Variants in PPCS observed in about 807,000 individuals in gnomAD.
PPCS encodes phosphopantothenate--cysteine ligase.
A neutral mutation model predicts 24.6 loss-of-function variants in PPCS; 17 were observed. That is an observed-to-expected ratio of 0.69 (90% confidence interval 0.47 to 1.04). PPCS has a LOEUF of 1.04. Ranked by LOEUF, PPCS falls within the 50% of genes least tolerant of loss-of-function variation. The probability of loss-of-function intolerance (pLI) is 0.00; values close to 1 mark genes in which losing one functional copy is unlikely to be tolerated. For missense variants in PPCS, 360 were observed against 402.8 expected, an observed-to-expected ratio of 0.89 and a Z score of 0.91; for synonymous variants, 190 against 168.3, an observed-to-expected ratio of 1.13 and a Z score of -1.00.
At chr1:42,470,112 G>A (rs1281336521) in intron 2 of PPCS, among the ~76,000 whole-genome samples, 1 of 152,176 alleles carries the variant, frequency 6.6e-6, no homozygotes, top group Non-Finnish European at 1.5e-5. Context: ...AACTGGGGAT[G>A]TTGGTGAAGG....
At chr1:42,469,038 T>C (rs61777372) in intron 2 of PPCS, among the ~76,000 whole-genome samples, 7 of 151,492 alleles carry the variant, frequency 4.6e-5, no homozygotes, top group African/African-American at 1.5e-4. Context: ...AAAAAAACTT[T>C]CAGGGAAGGA....
In PPCS at chr1:42,457,014, C is replaced by T. The variant is rs892177460; in HGVS notation, c.449C>T (p.Thr150Ile). 1.9e-6 allele frequency: 3 copies of T among 1,602,024 alleles called. No individual in the cohort carries two copies. The highest frequency in any genetic ancestry group is 1.1e-5 in the South Asian group (1 of 91,070). Residue 150 changes from threonine to isoleucine, a missense_variant, in exon 1 of 3, where the codon ACC becomes ATC. Thr to Ile is a moderately conservative substitution (Grantham distance 89, BLOSUM62 -1). This residue lies in a region of PPCS where 244 missense variants were observed against 234.7 expected (regional missense o/e 1.04). Transcript: ENST00000372561. ...AAGTFLAVEF[T>I]TLADYLHLLQ... is the part of the protein sequence containing the mutation. The stretch of plus-strand genomic sequence containing the variant: ...GGCACCTTCCTGGCAGTAGAGTTCA[C>T]CACTTTGGCGGACTATTTGCATCTG...
chr1:42,456,481 G>T, upstream of PPCS: 1 of 1,372,914 alleles, frequency 7.3e-7, no homozygotes, highest in South Asian at 1.5e-5. Context: ...CACTCAGTAC[G>T]GCGCGGCGCG....
chr1:42,463,067 C>A (rs1643454309), downstream of PPCS, among the ~76,000 whole-genome samples: 1 of 152,232 alleles, frequency 6.6e-6, no homozygotes, highest in Admixed American at 6.5e-5. Flanking sequence ...AAGTCGCAAA[C>A]GCTCGACATG....
chr1:42,463,039 A>G (rs1643452522), downstream of PPCS, among the ~76,000 whole-genome samples: 1 of 152,234 alleles, frequency 6.6e-6, no homozygotes, highest in Non-Finnish European at 1.5e-5. Flanking sequence ...GAACGCCCCA[A>G]GACAAAATGT....
rs1169014457 is a variant in PPCS, at chr1:42,461,058, G to A, written c.*1132G>A. ...AATTCCCTAAATGATCTGTAGGATA[G>A]TCCAGGTGCAATTTGAAAAATTAGC... On this transcript the variant is annotated 3_prime_UTR_variant, in exon 3 of 3. Transcript: ENST00000372561. Among the ~76,000 whole-genome samples the A allele has an allele frequency of 6.6e-6, 1 of 152,258 alleles. No individual in the cohort carries two copies. Among genetic ancestry groups the A allele is most frequent in the African/African-American group, 2.4e-5 (1 of 41,476 alleles).
At chr1:42,462,340 T>C (rs139687630), downstream of PPCS, among the ~76,000 whole-genome samples, 221 of 152,276 alleles carry the variant, frequency 1.5e-3, no homozygotes, top group South Asian at 9.5e-3. Context: ...AATGTCTCCC[T>C]GAGTAGGTGA....
chr1:42,460,465 T>C lies in PPCS; in HGVS notation c.*539T>C. On this transcript the variant is annotated 3_prime_UTR_variant, in exon 3 of 3. Transcript: ENST00000372561. ...CAAATATAGTAGTAGGAAAGAAGGA[T>C]ACCTCCCTGAAGATAGATTGTAGAA... The C allele has an allele frequency of 8.1e-5, 38 of 471,554 alleles. No homozygotes were observed. Among genetic ancestry groups the C allele is most frequent in the Middle Eastern group, 1.1e-3 (1 of 874 alleles). 29.2% of individuals were successfully genotyped at this position (471,554 alleles called of 1,614,324 possible). A position where few individuals can be genotyped will look rare whatever the true frequency, so the allele number is the denominator to read the frequency against.
downstream of PPCS, chr1:42,463,898 A>AG (rs1468540149): frequency 1.3e-5 from 2 of 152,196 alleles, no homozygotes; most frequent in African/African-American, 2.4e-5. Flanking sequence ...GAGGTCATGA[A>AG]GTCAGTTACC....
Position 42,456,592 on chromosome 1 carries a change from G to C in PPCS, c.27G>C (p.Glu9Asp). 3 of 1,504,086 alleles carry C rather than the reference G, an allele frequency of 2.0e-6. No individual in the cohort carries two copies. The highest frequency in any genetic ancestry group is 2.7e-6 in the Non-Finnish European group (3 of 1,128,758). The allele number at this position is 1,504,086 out of a possible 1,614,324, so 93.2% of individuals were successfully genotyped here. MAEMDPVA[E>D]FPQPPGAARW... The stretch of plus-strand genomic sequence containing the variant: ...TGGCGGAAATGGATCCGGTAGCCGA[G>C]TTCCCCCAGCCTCCCGGTGCTGCGC... The change falls in exon 1 of 3, where the codon GAG becomes GAC. Residue 9 changes from glutamate (E) to aspartate (D), a missense_variant. Physicochemically the swap from Glu to Asp is conservative, Grantham distance 45. Around this residue, in one of 2 missense-constraint regions of PPCS, gnomAD observed 244 missense variants for 234.7 expected, o/e 1.04. Transcript: ENST00000372561.
In PPCS at chr1:42,456,784, C is replaced by G. The variant is rs757977114; in HGVS notation, c.219C>G (p.Phe73Leu). The change falls in exon 1 of 3, where the codon TTC becomes TTG. Residue 73 changes from phenylalanine to leucine, a missense_variant. Coordinates refer to ENST00000372561, the MANE Select transcript of PPCS (RefSeq NM_024664.4). Reference sequence around the variant, plus strand: ...GCGGTGCAACCTCGGCCGAGGCCTTCCTAGCCGCCGGCTACGGGGTCCTGT... The same window carrying G: ...GCGGTGCAACCTCGGCCGAGGCCTTGCTAGCCGCCGGCTACGGGGTCCTGT... ...GRRGATSAEA[F>L]LAAGYGVLFL... is the part of the protein sequence containing the mutation. 6.2e-7 allele frequency: 1 copy of G among 1,613,060 alleles called. No homozygotes were observed. Among genetic ancestry groups the G allele is most frequent in the African/African-American group, 1.3e-5 (1 of 75,074 alleles).
At position 42,456,964 on chromosome 1, in the gene PPCS, G is replaced by A. The variant is rs1643221750; in HGVS notation, c.399G>A (p.Arg133=). The part of the protein sequence containing the change: ...NALPGFAEAL[R]SYQEAAAAGT... ...TTCCGGGTTTTGCTGAGGCTCTGAGGAGCTACCAGGAGGCTGCGGCTGCAG... is the reference window on the plus strand; with the variant it reads ...TTCCGGGTTTTGCTGAGGCTCTGAGAAGCTACCAGGAGGCTGCGGCTGCAG... The change falls in exon 1 of 3, where the codon AGG becomes AGA. Residue 133 remains arginine, a synonymous_variant. Transcript: ENST00000372561. The A allele has an allele frequency of 3.7e-6, 6 of 1,604,092 alleles. No homozygotes were observed. The highest frequency in any genetic ancestry group is 5.1e-6 in the Non-Finnish European group (6 of 1,179,980).
chr1:42,468,627 C>G (rs1031223355), intron 2 of PPCS: 1 of 152,236 alleles, frequency 6.6e-6, no homozygotes, highest in Non-Finnish European at 1.5e-5. Flanking sequence ...GTTCCAACTT[C>G]AATGTGTTTC....
chr1:42,465,951 G>A (rs1402104471), downstream of PPCS, among the ~76,000 whole-genome samples: 1 of 152,100 alleles, frequency 6.6e-6, no homozygotes, highest in Non-Finnish European at 1.5e-5. Flanking sequence ...ACATAGTTAT[G>A]TACATTTTGC....
downstream of PPCS, among the ~76,000 whole-genome samples, chr1:42,461,290 A>G (rs1643403713): frequency 6.6e-6 from 1 of 152,210 alleles, no homozygotes; most frequent in East Asian, 1.9e-4. Context: ...AACAGAGGAA[A>G]AATACTGCAG....
downstream of PPCS, among the ~76,000 whole-genome samples, chr1:42,464,767 C>T (rs1353850117): frequency 6.6e-6 from 1 of 152,136 alleles, no homozygotes. Context: ...TAAAAGTAAA[C>T]CTATTTTGAG....
chr1:42,473,228 C>T, exon 3 of PPCS: 8 of 1,231,480 alleles, frequency 6.5e-6, no homozygotes, highest in Non-Finnish European at 8.1e-6. Flanking sequence ...CCAGCCAGCA[C>T]AGTGAAGACA....
Position 42,456,853 on chromosome 1 carries a change from C to A in PPCS, c.288C>A (p.Phe96Leu). The change falls in exon 1 of 3, where the codon TTC (phenylalanine) becomes TTA (leucine). Residue 96 changes from phenylalanine (F) to leucine (L), a missense_variant. Phe to Leu is a conservative substitution (Grantham distance 22). Transcript: ENST00000372561. ...ARSAFPYAHR[F>L]PPQTWLSALR... ...CTGCCTTCCCCTATGCCCACCGCTT[C>A]CCACCCCAGACTTGGCTGTCCGCTC... is the stretch of plus-strand genomic sequence containing the variant. The A allele has an allele frequency of 1.9e-6, 3 of 1,613,536 alleles. No homozygotes were observed. Among genetic ancestry groups the A allele is most frequent in the Non-Finnish European group, 2.5e-6 (3 of 1,180,050 alleles).
At chr1:42,461,295 C>T (rs956288703), downstream of PPCS, among the ~76,000 whole-genome samples, 4 of 152,160 alleles carry the variant, frequency 2.6e-5, no homozygotes, top group Non-Finnish European at 2.9e-5. Flanking sequence ...AGGAAAAATA[C>T]TGCAGCAGTC....
Sources: allele counts gnomAD v4.1 joint callset (sites outside exome capture counted in the v4.1 genomes callset), GRCh38; gene constraint gnomAD v4.1.1; regional missense constraint gnomAD v4.1.1; transcripts MANE v1.5; gene names NCBI Gene and HGNC (gene_info 2026-07-23, HGNC 2026-07-21).